Variants in KIF17 observed in about 807,000 individuals in gnomAD.
The protein encoded by KIF17 is kinesin family member 17, also known as kinesin-like protein KIF17.
Under a neutral mutation model 96.8 loss-of-function variants are expected in KIF17, and 80 were observed. The ratio of observed to expected loss-of-function variants is 0.83; its 90% CI spans 0.69 to 1.00. The LOEUF is 1.00. Ranked by LOEUF, KIF17 falls within the 50% of genes least tolerant of loss-of-function variation. The pLI is 0.00. For synonymous variants in KIF17, 567 were observed against 587.5 expected (o/e 0.97, Z 0.51); for missense variants, 1,280 against 1,372.9 (o/e 0.93, Z 1.07).
chr1:20,685,791 G>A lies in KIF17; in HGVS notation c.2019+255C>T, dbSNP rs1406422371. Among the ~76,000 whole-genome samples, 1 of 152,164 alleles carries A rather than the reference G, an allele frequency of 6.6e-6. No individual in the cohort carries two copies. Among genetic ancestry groups the A allele is most frequent in the Non-Finnish European group, 1.5e-5 (1 of 68,040 alleles). On this transcript the variant is annotated intron_variant, in intron 9 of 14. Transcript: ENST00000400463. The surrounding 1 kb of genome is among the most constrained non-coding windows in gnomAD (Gnocchi z 4.1). Reference sequence around the variant, plus strand: ...TGGGCCTCAATTCCTTTACACAAAGGGCGACAAGGCTAAGGAAGGTTTGAA... The same window carrying A: ...TGGGCCTCAATTCCTTTACACAAAGAGCGACAAGGCTAAGGAAGGTTTGAA...
In KIF17 at chr1:20,675,611, C is replaced by T. The variant is rs796387265; in HGVS notation, c.2464-3415G>A. 5.3e-5 allele frequency among the ~76,000 whole-genome samples: 8 copies of T among 152,232 alleles called. 1 individual carries two copies. Among genetic ancestry groups the T allele is most frequent in the African/African-American group, 1.9e-4 (8 of 41,534 alleles). On this transcript the variant is annotated intron_variant, in intron 11 of 14. Transcript: ENST00000400463. Reference sequence around the variant, plus strand: ...TTTGCAACCAGGAAGTGTGATTCCCCTCACTTTGTTCTTTTCAAGATTGTT... The same window carrying T: ...TTTGCAACCAGGAAGTGTGATTCCCTTCACTTTGTTCTTTTCAAGATTGTT...
Position 20,709,891 on chromosome 1 carries a change from G to C in KIF17, c.481-63C>G, listed in dbSNP as rs369295098. 293 of 1,494,442 alleles carry C rather than the reference G, an allele frequency of 2.0e-4. 5 individuals carry two copies. The South Asian group carries it at 2.5e-3, about 13-fold the overall frequency. The allele number at this position is 1,494,442 out of a possible 1,614,324, so 92.6% of individuals were successfully genotyped here. A position where few individuals can be genotyped will look rare whatever the true frequency, so the allele number is the denominator to read the frequency against. ...CCGCCAAGGGTTAGGACCAGGGATG[G>C]TCAAGGAACCAGAGAGAAGGGCCCC... is the stretch of plus-strand genomic sequence containing the variant. On this transcript the variant is annotated intron_variant, in intron 3 of 14. Transcript: ENST00000400463. This position sits in a 1 kb window ranked among gnomAD's most constrained non-coding sequence, Gnocchi z 4.7.
intron 4 of KIF17, 117 bp from the exon 5 acceptor site, chr1:20,705,016 A>C (rs2054318140): frequency 1.1e-6 from 1 of 875,796 alleles, no homozygotes; most frequent in Non-Finnish European, 1.9e-6. Context: ...CCTCAGCTGC[A>C]CAGGAGCCCC....
At chr1:20,683,956 A>G (rs1383563309) in intron 10 of KIF17, among the ~76,000 whole-genome samples, 1 of 151,708 alleles carries the variant, frequency 6.6e-6, no homozygotes, top group Admixed American at 6.6e-5. Context: ...GAAAACAGCC[A>G]GGACATGTGC....
intron 2 of KIF17, among the ~76,000 whole-genome samples, chr1:20,714,124 G>A (rs1248307571): frequency 6.6e-6 from 1 of 152,054 alleles, no homozygotes; most frequent in Admixed American, 6.5e-5. Context: ...TCAGGAGATC[G>A]AGATCATCCT....
At position 20,717,756 on chromosome 1, in the gene KIF17, G is replaced by A. The variant is rs1160732795; in HGVS notation, c.-50C>T. On this transcript the variant is annotated 5_prime_UTR_variant, in exon 1 of 15. Transcript: ENST00000400463. ...ACCAGAGCTGACCCCCGCCCCGCCGGGGACTCCCAGCAGCCCGGGCCAAGG... is the reference window on the plus strand; with the variant it reads ...ACCAGAGCTGACCCCCGCCCCGCCGAGGACTCCCAGCAGCCCGGGCCAAGG... 2.7e-6 allele frequency: 4 copies of A among 1,501,462 alleles called. No individual in the cohort carries two copies. The highest frequency in any genetic ancestry group is 2.6e-6 in the Non-Finnish European group (3 of 1,132,638). 93.0% of individuals were successfully genotyped at this position (1,501,462 alleles called of 1,614,324 possible).
At position 20,687,661 on chromosome 1, in the gene KIF17, C is replaced by T. The variant is rs765880074; in HGVS notation, c.1665G>A (p.Gly555=). 1.2e-6 allele frequency: 2 copies of T among 1,614,182 alleles called. No homozygotes were observed. Among genetic ancestry groups the T allele is most frequent in the East Asian group, 2.2e-5 (1 of 44,884 alleles). The change falls in exon 8 of 15, where the codon GGG becomes GGA. Residue 555 remains glycine, a synonymous_variant. Coordinates refer to ENST00000400463, the MANE Select transcript of KIF17 (RefSeq NM_001122819.3). The surrounding 1 kb of genome is among the most constrained non-coding windows in gnomAD (Gnocchi z 4.4). ...CCTCCACGTTGGAGGGCTCCTCAGG[C>T]CCAGGGAAAGCCTCGGACACAGAGG... ...EETSVSEAFP[G]PEEPSNVEVS...
chr1:20,698,525 G>T, intron 5 of KIF17, 37 bp from the exon 6 acceptor site: 3 of 1,380,418 alleles, frequency 2.2e-6, no homozygotes, highest in South Asian at 1.2e-5. Context: ...CAGGATGAGG[G>T]GCACATTGTG....
intron 11 of KIF17, among the ~76,000 whole-genome samples, chr1:20,675,710 C>T (rs552808706): frequency 6.6e-6 from 1 of 152,164 alleles, no homozygotes; most frequent in East Asian, 1.9e-4. Flanking sequence ...AAGAAACCAG[C>T]GGGAACTCTA....
intron 2 of KIF17, 109 bp downstream of exon 2, chr1:20,715,384 A>T: frequency 7.0e-7 from 1 of 1,427,222 alleles, no homozygotes; most frequent in Non-Finnish European, 9.7e-7. Context: ...GCTGATCTGC[A>T]CGGGTCAGGC....
At chr1:20,677,755 C>A (rs1341814898) in intron 11 of KIF17, among the ~76,000 whole-genome samples, 2 of 152,202 alleles carry the variant, frequency 1.3e-5, no homozygotes, top group Non-Finnish European at 2.9e-5. Flanking sequence ...ACTCGGGAGG[C>A]TGAGGTGGGA....
At chr1:20,697,059 G>C (rs2054154878) in intron 6 of KIF17, among the ~76,000 whole-genome samples, 1 of 152,210 alleles carries the variant, frequency 6.6e-6, no homozygotes, top group Non-Finnish European at 1.5e-5. Context: ...TGCAGCGCCC[G>C]AGGCTCTTGG....
chr1:20,717,842 G>C lies in KIF17; in HGVS notation c.-136C>G. On this transcript the variant is annotated 5_prime_UTR_variant, in exon 1 of 15. Coordinates refer to ENST00000400463, the MANE Select transcript of KIF17 (RefSeq NM_001122819.3). The stretch of plus-strand genomic sequence containing the variant: ...TGAGGCAGGGGCGGGGCCGCGGCGG[G>C]GGGCGGGGACCCCTCGGGGGGCGCC... The C allele has an allele frequency of 1.3e-6, 1 of 795,316 alleles. No individual in the cohort carries two copies. Among genetic ancestry groups the C allele is most frequent in the Non-Finnish European group, 1.6e-6 (1 of 641,310 alleles). 49.3% of individuals were successfully genotyped at this position (795,316 alleles called of 1,614,324 possible). A position where few individuals can be genotyped will look rare whatever the true frequency, so the allele number is the denominator to read the frequency against.
At chr1:20,705,893 CTTT>C (rs747719983) in intron 4 of KIF17, among the ~76,000 whole-genome samples, 1,702 of 53,226 alleles carry the variant, frequency 0.032, 2 homozygotes, top group Non-Finnish European at 0.049. Context: ...TAGGATGTCT[CTTT>C]TTTTTTTTTT....
intron 4 of KIF17, among the ~76,000 whole-genome samples, chr1:20,707,911 ATAATTATTAGATAT>A (rs1323784750): frequency 6.7e-6 from 1 of 149,056 alleles, no homozygotes; most frequent in Non-Finnish European, 1.5e-5. Flanking sequence ...ATAAATATAA[ATAATTATTAGATAT>A]TAATATAATG....
chr1:20,681,018 C>T (rs893922198), intron 11 of KIF17, among the ~76,000 whole-genome samples: 4 of 149,142 alleles, frequency 2.7e-5, no homozygotes, highest in Admixed American at 6.7e-5. Flanking sequence ...CCCAGCTACT[C>T]GGGAGGCTGA....
In KIF17 at chr1:20,706,013, A is replaced by G. The variant is rs527502521; in HGVS notation, c.671-1114T>C. Among the ~76,000 whole-genome samples the G allele has an allele frequency of 3.7e-3, 550 of 148,034 alleles. 2 individuals are homozygous for G. Among genetic ancestry groups the G allele is most frequent in the Non-Finnish European group, 6.3e-3 (427 of 67,330 alleles). On this transcript the variant is annotated intron_variant, in intron 4 of 14. Transcript: ENST00000400463. ...AGCCTCGAACTCCCAGGCTCAAGCA[A>G]TCCTCCTGCTTCAGTCTCCCGAGTA...
At chr1:20,669,797 C>T (rs1364237811) in intron 13 of KIF17, among the ~76,000 whole-genome samples, 1 of 124,922 alleles carries the variant, frequency 8.0e-6, no homozygotes, top group African/African-American at 3.0e-5. Context: ...ACCTGGGAGG[C>T]AGAGGTTGCA....
At position 20,687,279 on chromosome 1, in the gene KIF17, T is replaced by C. The variant is rs1279641362; in HGVS notation, c.1938+109A>G. On this transcript the variant is annotated intron_variant, in intron 8 of 14. Transcript: ENST00000400463. This position sits in a 1 kb window ranked among gnomAD's most constrained non-coding sequence, Gnocchi z 4.4. Reference sequence around the variant, plus strand: ...CAGCAGACACAGTGGAGCCACGGCCTGAGTGTCGGAGGCCATGTGTGTGAA... The same window carrying C: ...CAGCAGACACAGTGGAGCCACGGCCCGAGTGTCGGAGGCCATGTGTGTGAA... The C allele has an allele frequency of 1.9e-5, 24 of 1,256,224 alleles. No homozygotes were observed. Among genetic ancestry groups the C allele is most frequent in the Non-Finnish European group, 2.8e-5 (24 of 862,940 alleles). The allele number at this position is 1,256,224 out of a possible 1,614,324, so 77.8% of individuals were successfully genotyped here. A position where few individuals can be genotyped will look rare whatever the true frequency, so the allele number is the denominator to read the frequency against.
Sources: allele counts gnomAD v4.1 joint callset (sites outside exome capture counted in the v4.1 genomes callset), GRCh38; gene constraint gnomAD v4.1.1; non-coding constraint Gnocchi (gnomAD v3.1); transcripts MANE v1.5; gene names NCBI Gene and HGNC (gene_info 2026-07-23, HGNC 2026-07-21).